The following ZDBF2 variants were observed in gnomAD, a reference collection of about 807,000 sequenced individuals.
ZDBF2 encodes the protein DBF4-type zinc finger-containing protein 2.
A neutral mutation model predicts 9.4 loss-of-function variants in ZDBF2; 6 were observed. The observed-to-expected ratio is 0.64, with a 90% CI of 0.35 to 1.27. The LOEUF (loss-of-function observed/expected upper bound fraction) is 1.27, where lower values mean the gene tolerates loss of function less well. Ranked by LOEUF, ZDBF2 falls within the 50% of genes most tolerant of loss-of-function variation. ZDBF2 has a pLI of 0.03. For missense variants in ZDBF2, 2,697 were observed against 2,766.8 expected (o/e 0.97, Z 0.57); for synonymous variants, 905 against 946.3 (o/e 0.96, Z 0.80).
chr2:206,297,321 C>T lies in ZDBF2; in HGVS notation c.136C>T (p.Arg46Cys), dbSNP rs758516092. The part of the protein sequence containing the change: ...RQICTSSLME[R>C]FLQDVLQHHP... The stretch of plus-strand genomic sequence containing the variant: ...AATATGTACCAGTAGTTTGATGGAA[C>T]GTTTCTTACAGGATGTACTGCAGCA... The change falls in exon 4 of 5, where the codon CGT becomes TGT. Residue 46 changes from arginine to cysteine, a missense_variant. Physicochemically the swap from Arg to Cys is radical, Grantham distance 180. Around this residue, in one of 3 missense-constraint regions of ZDBF2, gnomAD observed 910 missense variants for 973.6 expected, o/e 0.93. Coordinates refer to ENST00000374423, the MANE Select transcript of ZDBF2 (RefSeq NM_020923.3). The T allele has an allele frequency of 9.3e-6, 15 of 1,613,402 alleles. No homozygotes were observed. The highest frequency in any genetic ancestry group is 1.6e-4 in the Middle Eastern group (1 of 6,080).
chr2:206,305,006 A>G lies in ZDBF2; in HGVS notation c.478A>G (p.Arg160Gly). Residue 160 changes from arginine (R) to glycine (G), a missense_variant, in exon 5 of 5, where the codon AGA becomes GGA. By Grantham distance (125) the Arg-to-Gly change is moderately radical. Transcript: ENST00000374423. ...TGTTCATAAAATTGGGGCCAGTGTG[A>G]GAAAATGTAACCTAGTAGATATTGG... Reference protein sequence around the residue: ...EFVHKIGASVRKCNLVDIGQA... With the variant: ...EFVHKIGASVGKCNLVDIGQA... The G allele has an allele frequency of 1.2e-6, 2 of 1,613,714 alleles. No individual in the cohort carries two copies. The highest frequency in any genetic ancestry group is 1.7e-6 in the Non-Finnish European group (2 of 1,179,778).
intron 3 of ZDBF2, among the ~76,000 whole-genome samples, chr2:206,284,371 T>C (rs545690417): frequency 1.3e-5 from 2 of 152,322 alleles, no homozygotes; most frequent in South Asian, 4.1e-4. Flanking sequence ...TACATGTGTA[T>C]AATGTGTAAT....
At chr2:206,279,889 C>G (rs1691223586) in intron 2 of ZDBF2, among the ~76,000 whole-genome samples, 1 of 152,196 alleles carries the variant, frequency 6.6e-6, no homozygotes, top group South Asian at 2.1e-4. Flanking sequence ...GCTGCAGCCT[C>G]CACCTCCTGG....
intron 2 of ZDBF2, 50 bp from the exon 3 acceptor site, chr2:206,281,751 C>T (rs1434021694): frequency 8.8e-7 from 1 of 1,141,156 alleles, no homozygotes; most frequent in South Asian, 1.4e-5. Context: ...CCATTTTCCT[C>T]ATAAGAGTAA....
rs1460985801 is a variant in ZDBF2, at chr2:206,306,929, G to A, written c.2401G>A (p.Val801Ile). 6.2e-7 allele frequency: 1 copy of A among 1,613,578 alleles called. No individual in the cohort carries two copies. Among genetic ancestry groups the A allele is most frequent in the East Asian group, 2.2e-5 (1 of 44,894 alleles). ...TGATTCTGATATTCCTCTTTATTCA[G>A]TAATTGACCAACCTGAAGTAGCTGT... ...TFDSDIPLYS[V>I]IDQPEVAVYE... Residue 801 changes from valine (V) to isoleucine (I), a missense_variant, in exon 5 of 5, where the codon GTA (valine) becomes ATA (isoleucine). Coordinates refer to ENST00000374423, the MANE Select transcript of ZDBF2 (RefSeq NM_020923.3).
chr2:206,308,542 G>A lies in ZDBF2; in HGVS notation c.4014G>A (p.Gln1338=). ...TTTATGTTTCAAATATCCCTCTTCA[G>A]TCAGTGATAAAACAACCACACATTT... ...EIIYVSNIPL[Q]SVIKQPHILE... The change falls in exon 5 of 5, where the codon CAG becomes CAA. Residue 1338 remains glutamine (Q), a synonymous_variant. Coordinates refer to ENST00000374423, the MANE Select transcript of ZDBF2 (RefSeq NM_020923.3). The A allele has an allele frequency of 6.2e-7, 1 of 1,613,588 alleles. No individual in the cohort carries two copies. The highest frequency in any genetic ancestry group is 8.5e-7 in the Non-Finnish European group (1 of 1,179,800).
At chr2:206,280,957 A>C (rs562027625) in intron 2 of ZDBF2, among the ~76,000 whole-genome samples, 2 of 152,186 alleles carry the variant, frequency 1.3e-5, no homozygotes, top group African/African-American at 2.4e-5. Context: ...AACTGCATTA[A>C]ATTTTTTACT....
At position 206,297,326 on chromosome 2, in the gene ZDBF2, C is replaced by T; in HGVS notation, c.141C>T (p.Phe47=). 1.9e-6 allele frequency: 3 copies of T among 1,613,710 alleles called. No homozygotes were observed. The South Asian group carries it at 3.3e-5, about 18-fold the overall frequency. ...QICTSSLMER[F]LQDVLQHHPY... ...GTACCAGTAGTTTGATGGAACGTTT[C>T]TTACAGGATGTACTGCAGCACCACC... The change falls in exon 4 of 5, where the codon TTC becomes TTT. Residue 47 remains phenylalanine, a synonymous_variant. Coordinates refer to ENST00000374423, the MANE Select transcript of ZDBF2 (RefSeq NM_020923.3).
chr2:206,286,213 C>G (rs1691590814), intron 3 of ZDBF2, among the ~76,000 whole-genome samples: 1 of 152,012 alleles, frequency 6.6e-6, no homozygotes, highest in Non-Finnish European at 1.5e-5. Context: ...ATCTGGTAGG[C>G]CTATTTGGTC....
Position 206,306,592 on chromosome 2 carries a change from G to A in ZDBF2, c.2064G>A (p.Gln688=), listed in dbSNP as rs1324085360. 6.2e-7 allele frequency: 1 copy of A among 1,613,568 alleles called. No individual in the cohort carries two copies. The highest frequency in any genetic ancestry group is 1.3e-5 in the African/African-American group (1 of 74,932). Residue 688 remains glutamine, a synonymous_variant, in exon 5 of 5, where the codon CAG becomes CAA. Coordinates refer to ENST00000374423, the MANE Select transcript of ZDBF2 (RefSeq NM_020923.3). ...CTCAAGTAGCCGAAATAGAGCGTCA[G>A]AAAGTGGATGTTGACCTTGAGAATA... The part of the protein sequence containing the change: ...DQSQVAEIER[Q]KVDVDLENKS...
At chr2:206,287,225 A>G (rs1691649036) in intron 3 of ZDBF2, among the ~76,000 whole-genome samples, 1 of 152,064 alleles carries the variant, frequency 6.6e-6, no homozygotes, top group South Asian at 2.1e-4. Flanking sequence ...TGCTTGCCAG[A>G]TGTAGGACTC....
At position 206,274,927 on chromosome 2, in the gene ZDBF2, T is replaced by G. The variant is rs1574366174; in HGVS notation, c.-122T>G. ...GGTCTCCACCGCGGCCCGGAAGGAA[T>G]CCGGGCAGCCTCCGCGGAGGTGAGT... On this transcript the variant is annotated 5_prime_UTR_variant, in exon 1 of 5. Transcript: ENST00000374423. The G allele has an allele frequency of 6.6e-6, 1 of 151,030 alleles. No homozygotes were observed. The highest frequency in any genetic ancestry group is 1.9e-4 in the East Asian group (1 of 5,144). 9.4% of individuals were successfully genotyped at this position (151,030 alleles called of 1,614,324 possible).
At chr2:206,294,062 AAATG>A (rs1329810729) in intron 3 of ZDBF2, among the ~76,000 whole-genome samples, 1 of 152,218 alleles carries the variant, frequency 6.6e-6, no homozygotes, top group Admixed American at 6.5e-5. Context: ...GCAGAAAAGA[AAATG>A]AACAGATTCA....
intron 3 of ZDBF2, among the ~76,000 whole-genome samples, chr2:206,291,201 T>C (rs1380654322): frequency 6.6e-6 from 1 of 152,140 alleles, no homozygotes. Context: ...TGGAAGACAA[T>C]TTTTCCACAG....
At position 206,286,820 on chromosome 2, in the gene ZDBF2, A is replaced by G. The variant is rs1002627846; in HGVS notation, c.60+4911A>G. The stretch of plus-strand genomic sequence containing the variant: ...TGGGGAATTTAATCCATTTAAATTC[A>G]AAATGATTATTGATATGCGAGGAAT... On this transcript the variant is annotated intron_variant, in intron 3 of 4. Transcript: ENST00000374423. Among the ~76,000 whole-genome samples the G allele has an allele frequency of 5.3e-5, 8 of 152,258 alleles. No individual in the cohort carries two copies. The South Asian group carries it at 1.4e-3, about 28-fold the overall frequency.
In ZDBF2 at chr2:206,304,888, A is replaced by G. The variant is rs367602304; in HGVS notation, c.360A>G (p.Arg120=). The G allele has an allele frequency of 1.9e-6, 3 of 1,613,600 alleles. No homozygotes were observed. The highest frequency in any genetic ancestry group is 2.7e-5 in the African/African-American group (2 of 74,888). ...AACCTATTGAAGAGTTACATTCCAG[A>G]CCTCATAAATCTCAGGAAGGCACGC... The part of the protein sequence containing the change: ...VSEPIEELHS[R]PHKSQEGTQE... Residue 120 remains arginine, a synonymous_variant, in exon 5 of 5, where the codon AGA becomes AGG. Transcript: ENST00000374423.
chr2:206,306,185 C>A lies in ZDBF2; in HGVS notation c.1657C>A (p.Pro553Thr). 1 of 1,613,652 alleles carries A rather than the reference C, an allele frequency of 6.2e-7. No individual in the cohort carries two copies. Among genetic ancestry groups the A allele is most frequent in the Non-Finnish European group, 8.5e-7 (1 of 1,179,786 alleles). Residue 553 changes from proline (P) to threonine (T), a missense_variant, in exon 5 of 5, where the codon CCC (proline) becomes ACC (threonine). By Grantham distance (38) the Pro-to-Thr change is conservative. Coordinates refer to ENST00000374423, the MANE Select transcript of ZDBF2 (RefSeq NM_020923.3). ...CCCACTGCAGTCAGTGGTTGACAGACCCCCAGTGGCTGTCACAGAAACAAA... is the reference window on the plus strand; with the variant it reads ...CCCACTGCAGTCAGTGGTTGACAGAACCCCAGTGGCTGTCACAGAAACAAA... ...VFPLQSVVDR[P>T]PVAVTETKLR...
chr2:206,282,576 G>C (rs915836316), intron 3 of ZDBF2, among the ~76,000 whole-genome samples: 12 of 152,146 alleles, frequency 7.9e-5, no homozygotes, highest in Non-Finnish European at 1.6e-4. Flanking sequence ...TAAGGACTTT[G>C]AATTTTATTT....
intron 3 of ZDBF2, among the ~76,000 whole-genome samples, chr2:206,293,990 C>T (rs1692035751): frequency 6.6e-6 from 1 of 151,990 alleles, no homozygotes; most frequent in African/African-American, 2.4e-5. Context: ...CTAGAAACAA[C>T]ACAAATGTCC....
Sources: allele counts gnomAD v4.1 joint callset (sites outside exome capture counted in the v4.1 genomes callset), GRCh38; gene constraint gnomAD v4.1.1; regional missense constraint gnomAD v4.1.1; transcripts MANE v1.5; gene names NCBI Gene and HGNC (gene_info 2026-07-23, HGNC 2026-07-21).